Variants in SEMA5A observed in about 807,000 individuals in gnomAD.
The protein encoded by SEMA5A is semaphorin-5A.
SEMA5A carries 55 observed loss-of-function variants against 135.5 expected under a neutral mutation model. The observed-to-expected ratio is 0.41, with a 90% CI of 0.33 to 0.51. The LOEUF (loss-of-function observed/expected upper bound fraction) is 0.51. Among genes scored for constraint, SEMA5A ranks in the 20% least tolerant of loss-of-function variants. SEMA5A has a pLI of 0.37. For missense variants in SEMA5A, 1,290 were observed against 1,419.9 expected (o/e 0.91, Z 1.47); for synonymous variants, 580 against 546.5 (o/e 1.06, Z -0.85).
intron 3 of SEMA5A, among the ~76,000 whole-genome samples, chr5:9,367,820 G>A (rs1358387118): frequency 6.6e-6 from 1 of 152,162 alleles, no homozygotes; most frequent in Non-Finnish European, 1.5e-5. Flanking sequence ...GAATGATTTG[G>A]GGCCCTCTTT....
chr5:9,154,810 C>A, intron 11 of SEMA5A, 115 bp from the exon 12 acceptor site: 1 of 889,452 alleles, frequency 1.1e-6, no homozygotes, highest in Non-Finnish European at 1.8e-6. Flanking sequence ...GGAAAGCCAT[C>A]TGAGCATCCT....
chr5:9,292,872 C>G (rs1315549456), intron 5 of SEMA5A, among the ~76,000 whole-genome samples: 1 of 152,138 alleles, frequency 6.6e-6, no homozygotes, highest in Non-Finnish European at 1.5e-5. Context: ...CTACTGGCAT[C>G]TAGGGGTACA....
intron 5 of SEMA5A, among the ~76,000 whole-genome samples, chr5:9,278,676 C>T (rs976645855): frequency 7.2e-5 from 11 of 152,208 alleles, no homozygotes; most frequent in Non-Finnish European, 1.5e-4. Flanking sequence ...CCTCAGAACA[C>T]AGTGCCCTGT....
At chr5:9,445,251 T>C (rs1758388715) in intron 1 of SEMA5A, among the ~76,000 whole-genome samples, 1 of 152,090 alleles carries the variant, frequency 6.6e-6, no homozygotes, top group South Asian at 2.1e-4. Context: ...TGGAATCGCT[T>C]TTCCCCAAAT....
chr5:9,450,562 C>A (rs1758604721), intron 1 of SEMA5A, among the ~76,000 whole-genome samples: 1 of 152,128 alleles, frequency 6.6e-6, no homozygotes, highest in South Asian at 2.1e-4. Context: ...CTGAAAGCAT[C>A]TCCCTTGCTG....
chr5:9,526,969 T>C (rs1256431646), intron 1 of SEMA5A, among the ~76,000 whole-genome samples: 3 of 152,216 alleles, frequency 2.0e-5, no homozygotes, highest in African/African-American at 7.2e-5. Flanking sequence ...GGTCATTATC[T>C]TGGTGACAGA....
At chr5:9,345,637 C>T (rs1222840446) in intron 3 of SEMA5A, among the ~76,000 whole-genome samples, 1 of 151,808 alleles carries the variant, frequency 6.6e-6, no homozygotes, top group Non-Finnish European at 1.5e-5. Flanking sequence ...CTATAGTTAT[C>T]AATATATCTC....
intron 16 of SEMA5A, among the ~76,000 whole-genome samples, chr5:9,081,648 A>G (rs565111306): frequency 2.0e-5 from 3 of 152,330 alleles, no homozygotes; most frequent in African/African-American, 7.2e-5. Flanking sequence ...CCTGCAAGTT[A>G]TCTAGGAAGG....
At chr5:9,179,452 T>G (rs562601037) in intron 11 of SEMA5A, among the ~76,000 whole-genome samples, 6 of 152,268 alleles carry the variant, frequency 3.9e-5, no homozygotes, top group Admixed American at 2.0e-4. Context: ...ATCTGCTCCA[T>G]GAAGATGAAG....
rs187751122 is a variant in SEMA5A, at chr5:9,143,104, T to C, written c.1482-6483A>G. On this transcript the variant is annotated intron_variant, in intron 12 of 22. Coordinates refer to ENST00000382496, the MANE Select transcript of SEMA5A (RefSeq NM_003966.3). ...TCATTGTTTTCCTCTTCTGCAAAAC[T>C]AGAACAAAAATACCTATTCACAGGG... is the stretch of plus-strand genomic sequence containing the variant. Among the ~76,000 whole-genome samples, 6 of 152,296 alleles carry C rather than the reference T, an allele frequency of 3.9e-5. No homozygotes were observed. The East Asian group carries it at 5.8e-4, about 15-fold the overall frequency.
At chr5:9,493,135 T>G (rs1735116675) in intron 1 of SEMA5A, among the ~76,000 whole-genome samples, 1 of 151,980 alleles carries the variant, frequency 6.6e-6, no homozygotes, top group Admixed American at 6.6e-5. Flanking sequence ...AGGAGAACAC[T>G]CTATACTTGT....
rs1241533434 is a variant in SEMA5A at position 9,035,569 on chromosome 5, A to C, written c.*7328T>G. The stretch of plus-strand genomic sequence containing the variant: ...ATCTGTCAGATGTCATTAAGCAACA[A>C]TCTGGGATACAGACCTAGACAGCTC... On this transcript the variant is annotated 3_prime_UTR_variant, in exon 23 of 23. Transcript: ENST00000382496. The C allele has an allele frequency of 1.3e-5, 2 of 152,192 alleles. No homozygotes were observed. The highest frequency in any genetic ancestry group is 2.9e-5 in the Non-Finnish European group (2 of 68,036). 9.4% of individuals were successfully genotyped at this position (152,192 alleles called of 1,614,324 possible). A position where few individuals can be genotyped will look rare whatever the true frequency, so the allele number is the denominator to read the frequency against.
intron 1 of SEMA5A, among the ~76,000 whole-genome samples, chr5:9,464,840 T>G (rs953888043): frequency 2.6e-5 from 4 of 152,280 alleles, no homozygotes; most frequent in Admixed American, 1.3e-4. Context: ...AGCACTCAGG[T>G]CTCTTTTGGA....
chr5:9,498,235 C>A (rs1735400760), intron 1 of SEMA5A, among the ~76,000 whole-genome samples: 1 of 152,140 alleles, frequency 6.6e-6, no homozygotes, highest in Non-Finnish European at 1.5e-5. Context: ...CCCCAGGAGG[C>A]ACTACTCCTC....
At position 9,044,681 on chromosome 5, in the gene SEMA5A, G is replaced by C. The variant is rs899770137; in HGVS notation, c.2894-97C>G. The C allele has an allele frequency of 8.1e-6, 8 of 991,408 alleles. No individual in the cohort carries two copies. The African/African-American group carries it at 9.7e-5, about 12-fold the overall frequency. The allele number at this position is 991,408 out of a possible 1,614,324, so 61.4% of individuals were successfully genotyped here. On this transcript the variant is annotated intron_variant, in intron 21 of 22. Coordinates refer to ENST00000382496, the MANE Select transcript of SEMA5A (RefSeq NM_003966.3). ...TGAAAAGAGAAAGTCAAAATGAAAA[G>C]CTTCATCCCCATTCCAAAATTAAGG...
At chr5:9,291,587 AAGAGAGAGAGAGAGAGAAAG>A (rs1170771438) in intron 5 of SEMA5A, among the ~76,000 whole-genome samples, 1 of 139,886 alleles carries the variant, frequency 7.1e-6, no homozygotes, top group South Asian at 2.2e-4. Context: ...AGAAGCAGGA[AAGAGAGAGAGAGAGAGAAAG>A]AGAGAGAGAG....
chr5:9,228,444 A>G (rs1353728490), intron 6 of SEMA5A, among the ~76,000 whole-genome samples: 4 of 152,236 alleles, frequency 2.6e-5, no homozygotes, highest in African/African-American at 9.6e-5. Flanking sequence ...AGGAGCTCAC[A>G]TAGAAGCCGA....
Position 9,524,424 on chromosome 5 carries a change from G to A in SEMA5A, c.-175+21160C>T, listed in dbSNP as rs536369664. On this transcript the variant is annotated intron_variant, in intron 1 of 22. Coordinates refer to ENST00000382496, the MANE Select transcript of SEMA5A (RefSeq NM_003966.3). Reference sequence around the variant, plus strand: ...CAGAGACACACAGGGAGCACTCCACGTGACTACTGACATAGACACTCCACA... The same window carrying A: ...CAGAGACACACAGGGAGCACTCCACATGACTACTGACATAGACACTCCACA... 5.9e-5 allele frequency among the ~76,000 whole-genome samples: 9 copies of A among 152,226 alleles called. No individual in the cohort carries two copies. In the South Asian group the frequency reaches 6.2e-4, roughly 11 times the overall value.
In SEMA5A at chr5:9,449,067, G is replaced by A. The variant is rs1242580937; in HGVS notation, c.-174-11215C>T. The stretch of plus-strand genomic sequence containing the variant: ...TTTGACCCAGAAATTTCATTACTGA[G>A]TATATACCCAAAGGAATATAAATCA... On this transcript the variant is annotated intron_variant, in intron 1 of 22. Transcript: ENST00000382496. 3.9e-5 allele frequency among the ~76,000 whole-genome samples: 6 copies of A among 152,280 alleles called. No homozygotes were observed. The East Asian group carries it at 5.8e-4, about 15-fold the overall frequency.
Sources: allele counts gnomAD v4.1 joint callset (sites outside exome capture counted in the v4.1 genomes callset), GRCh38; gene constraint gnomAD v4.1.1; transcripts MANE v1.5; gene names NCBI Gene and HGNC (gene_info 2026-07-23, HGNC 2026-07-21).